DDAH1: variants seen among roughly 807,000 people sequenced by gnomAD.
DDAH1 encodes the protein N(G),N(G)-dimethylarginine dimethylaminohydrolase 1.
Under a neutral mutation model 28.8 loss-of-function variants are expected in DDAH1, and 19 were observed. The observed-to-expected ratio is 0.66, with a 90% confidence interval of 0.46 to 0.97. The LOEUF (loss-of-function observed/expected upper bound fraction) is 0.97, where lower values mean the gene tolerates loss of function less well. Among genes scored for constraint, DDAH1 ranks in the 50% least tolerant of loss-of-function variants. The pLI is 0.00. For synonymous variants in DDAH1, 153 were observed against 154.4 expected, an observed-to-expected ratio of 0.99 and a Z score of 0.07; for missense variants, 326 against 375.9, an observed-to-expected ratio of 0.87 and a Z score of 1.10.
chr1:85,428,799 A>G (rs1249209402), intron 1 of DDAH1, among the ~76,000 whole-genome samples: 6 of 152,076 alleles, frequency 3.9e-5, no homozygotes, highest in Admixed American at 1.3e-4. Flanking sequence ...CATTTTAGCT[A>G]GAGGATAAGA....
chr1:85,453,821 A>C (rs1654766151), intron 1 of DDAH1, among the ~76,000 whole-genome samples: 2 of 152,210 alleles, frequency 1.3e-5, no homozygotes, highest in Non-Finnish European at 2.9e-5. Flanking sequence ...GTGTGAAGGA[A>C]AGAGAGTGAA....
chr1:85,442,716 C>T (rs1322553541), intron 1 of DDAH1, among the ~76,000 whole-genome samples: 1 of 152,144 alleles, frequency 6.6e-6, no homozygotes, highest in Non-Finnish European at 1.5e-5. Context: ...TTAATGATTG[C>T]CATTCTAACT....
At chr1:85,557,343 C>A (rs1404312670) in intron 1 of DDAH1, among the ~76,000 whole-genome samples, 5 of 152,162 alleles carry the variant, frequency 3.3e-5, no homozygotes, top group African/African-American at 9.7e-5. Flanking sequence ...ATGTGACATG[C>A]ACTATTCTGT....
At chr1:85,566,447 G>A (rs1371947538) in intron 1 of DDAH1, among the ~76,000 whole-genome samples, 1 of 143,038 alleles carries the variant, frequency 7.0e-6, no homozygotes. Context: ...AGCCAAGATC[G>A]CACCACTGCA....
At chr1:85,481,102 T>TTTG (rs1655998347) in intron 2 of DDAH1, among the ~76,000 whole-genome samples, 1 of 141,582 alleles carries the variant, frequency 7.1e-6, no homozygotes, top group African/African-American at 2.8e-5. Flanking sequence ...TTTTTTGTTT[T>TTTG]TTTTTTTTTT....
intron 2 of DDAH1, among the ~76,000 whole-genome samples, chr1:85,490,349 TA>T (rs1656347851): frequency 6.6e-6 from 1 of 152,128 alleles, no homozygotes; most frequent in Non-Finnish European, 1.5e-5. Flanking sequence ...GATGTTGGCA[TA>T]AAAAGTCAAA....
chr1:85,348,716 A>G (rs1240886460), intron 4 of DDAH1, among the ~76,000 whole-genome samples: 2 of 152,162 alleles, frequency 1.3e-5, no homozygotes, highest in Admixed American at 1.3e-4. Flanking sequence ...TTTTCCTCTG[A>G]ACTTTGAAGA....
At chr1:85,407,868 A>G (rs1652479787) in intron 1 of DDAH1, among the ~76,000 whole-genome samples, 1 of 152,212 alleles carries the variant, frequency 6.6e-6, no homozygotes, top group Non-Finnish European at 1.5e-5. Flanking sequence ...TATAAAATTC[A>G]AAAAGCTCGG....
chr1:85,388,957 G>C (rs1651412109), intron 1 of DDAH1, among the ~76,000 whole-genome samples: 1 of 152,142 alleles, frequency 6.6e-6, no homozygotes, highest in African/African-American at 2.4e-5. Context: ...TAAACAACTT[G>C]GTTCAAATCC....
intron 2 of DDAH1, chr1:85,493,509 G>C (rs189486586): frequency 2.9e-4 from 44 of 152,178 alleles, no homozygotes; most frequent in African/African-American, 9.6e-4. Flanking sequence ...CTGTCAAAGT[G>C]GCAAAATAAA....
intron 1 of DDAH1, among the ~76,000 whole-genome samples, chr1:85,410,874 C>G (rs910296208): frequency 3.3e-5 from 5 of 152,174 alleles, no homozygotes; most frequent in Non-Finnish European, 1.5e-5. Context: ...GAGAAATATC[C>G]CCCTGCTTCT....
At chr1:85,572,626 T>G (rs979200118) in intron 1 of DDAH1, among the ~76,000 whole-genome samples, 8 of 152,240 alleles carry the variant, frequency 5.3e-5, no homozygotes, top group African/African-American at 1.9e-4. Flanking sequence ...GCCCCATAGA[T>G]GCTTCCAACT....
rs1419842972 is a variant in DDAH1, at chr1:85,499,557, CCCA to C, written c.-122-3279_-122-3277del. On this transcript the variant is annotated intron_variant, in intron 1 of 6. Coordinates refer to the DDAH1 transcript ENST00000426972. ...GGGTGTGGTGGCACATGCCTGTAAT[CCCA>C]CCTACTTGGGAGGCTGAGGCAGGAG... 6.8e-4 allele frequency among the ~76,000 whole-genome samples: 104 copies of C among 152,258 alleles called. 1 individual carries two copies. Among genetic ancestry groups the C allele is most frequent in the Admixed American group, 6.7e-3 (102 of 15,286 alleles).
At chr1:85,321,815 C>A (rs1489000038) in intron 5 of DDAH1, among the ~76,000 whole-genome samples, 3 of 152,158 alleles carry the variant, frequency 2.0e-5, no homozygotes, top group African/African-American at 7.2e-5. Flanking sequence ...GCTAGAGATG[C>A]CTTTACTCTG....
At chr1:85,444,094 G>A (rs1327297437) in intron 1 of DDAH1, among the ~76,000 whole-genome samples, 1 of 152,188 alleles carries the variant, frequency 6.6e-6, no homozygotes, top group African/African-American at 2.4e-5. Flanking sequence ...CCTTGTGCCA[G>A]TTTTCAAAGG....
intron 2 of DDAH1, among the ~76,000 whole-genome samples, chr1:85,481,388 T>C (rs943707190): frequency 1.3e-5 from 2 of 152,146 alleles, no homozygotes; most frequent in African/African-American, 2.4e-5. Context: ...GTGAGTCACC[T>C]ACCCAGCCTA....
chr1:85,544,231 G>T (rs1658552388), intron 1 of DDAH1, among the ~76,000 whole-genome samples: 1 of 152,160 alleles, frequency 6.6e-6, no homozygotes, highest in Non-Finnish European at 1.5e-5. Context: ...TTCAGGAGCT[G>T]GGGCAAGCAT....
intron 1 of DDAH1, among the ~76,000 whole-genome samples, chr1:85,414,681 T>C (rs568721641): frequency 6.6e-6 from 1 of 152,228 alleles, no homozygotes; most frequent in Non-Finnish European, 1.5e-5. Flanking sequence ...TAACCTACAA[T>C]GCTCTCTTTG....
At chr1:85,343,447 T>C (rs557147416) in intron 4 of DDAH1, among the ~76,000 whole-genome samples, 80 of 152,332 alleles carry the variant, frequency 5.3e-4, no homozygotes, top group African/African-American at 1.9e-3. Flanking sequence ...CAGAAGCTAT[T>C]TGGTTTTGTG....
Sources: gnomAD v4.1 joint callset for allele counts (sites outside exome capture counted in the v4.1 genomes callset) on GRCh38, gnomAD v4.1.1 for gene constraint, MANE v1.5 for transcripts, NCBI Gene and HGNC (gene_info 2026-07-23, HGNC 2026-07-21) for gene names.